MYO3B: variants seen among roughly 807,000 people sequenced by gnomAD.
MYO3B encodes myosin-IIIb.
Under a neutral mutation model 174.6 loss-of-function variants are expected in MYO3B, and 156 were observed. The observed-to-expected ratio is 0.89, with a 90% CI of 0.78 to 1.02. MYO3B has a LOEUF of 1.02. Among genes scored for constraint, MYO3B ranks in the 50% least tolerant of loss-of-function variants. The probability of loss-of-function intolerance (pLI) is 0.00; values close to 1 mark genes in which losing one functional copy is unlikely to be tolerated. For missense variants in MYO3B, 1,632 were observed against 1,639.4 expected, an observed-to-expected ratio of 1.00 and a Z score of 0.08; for synonymous variants, 563 against 569.1, an observed-to-expected ratio of 0.99 and a Z score of 0.15.
At position 170,400,656 on chromosome 2, in the gene MYO3B, C is replaced by G. The variant is rs1012344801; in HGVS notation, c.1918+342C>G. On this transcript the variant is annotated intron_variant, in intron 17 of 34. Coordinates refer to ENST00000408978, the MANE Select transcript of MYO3B (RefSeq NM_138995.5). ...CTGACCTCATGATCCACCCCCCCCCCCTCGGCCTCCCAAAGTGTTGGGATT... is the reference window on the plus strand; with the variant it reads ...CTGACCTCATGATCCACCCCCCCCCGCTCGGCCTCCCAAAGTGTTGGGATT... Among the ~76,000 whole-genome samples the G allele has an allele frequency of 9.1e-4, 122 of 134,656 alleles. 1 individual carries two copies. Among genetic ancestry groups the G allele is most frequent in the African/African-American group, 2.8e-3 (111 of 39,412 alleles). The allele number at this position is 134,656 out of a possible 152,430, so 88.3% of individuals were successfully genotyped here.
chr2:170,652,009 T>C, intron 33 of MYO3B, 99 bp from the exon 34 acceptor site: 1 of 1,281,926 alleles, frequency 7.8e-7, no homozygotes, highest in African/African-American at 1.5e-5. Flanking sequence ...ACTTCTGATA[T>C]TATCAGCATC....
At chr2:170,270,664 C>T (rs13410247) in intron 7 of MYO3B, among the ~76,000 whole-genome samples, 1,603 of 152,248 alleles carry the variant, frequency 0.011, 34 homozygotes, top group African/African-American at 0.037. Flanking sequence ...GCCTGACAGT[C>T]ACTGCTAGAG....
At chr2:170,611,612 A>G (rs984174937) in intron 32 of MYO3B, among the ~76,000 whole-genome samples, 4 of 152,240 alleles carry the variant, frequency 2.6e-5, no homozygotes, top group Admixed American at 2.0e-4. Context: ...GGAGAGGACC[A>G]GGCAGGAGAA....
At chr2:170,230,336 A>ATTTTTTTTTTTTTTTT (rs60171555) in intron 6 of MYO3B, among the ~76,000 whole-genome samples, 2 of 64,722 alleles carry the variant, frequency 3.1e-5, no homozygotes, top group African/African-American at 1.4e-4. Context: ...CGCCTGGCTA[A>ATTTTTTTTTTTTTTTT]TTTTTTTTTT....
intron 29 of MYO3B, among the ~76,000 whole-genome samples, chr2:170,517,786 G>T (rs1273100106): frequency 6.6e-6 from 1 of 152,036 alleles, no homozygotes; most frequent in Non-Finnish European, 1.5e-5. Flanking sequence ...GCAAGTGAGT[G>T]TGGGCCAAAC....
At chr2:170,572,384 C>T (rs143451951) in intron 32 of MYO3B, among the ~76,000 whole-genome samples, 2,093 of 151,294 alleles carry the variant, frequency 0.014, 42 homozygotes, top group African/African-American at 0.047. Flanking sequence ...GCTGAGATTG[C>T]GCCACTGCAT....
intron 1 of MYO3B, among the ~76,000 whole-genome samples, chr2:170,192,493 T>C (rs981556214): frequency 6.6e-6 from 1 of 151,286 alleles, no homozygotes; most frequent in Non-Finnish European, 1.5e-5. Context: ...ATTTTATTGT[T>C]TTGTCCCCAG....
intron 6 of MYO3B, among the ~76,000 whole-genome samples, chr2:170,223,455 T>C (rs549866481): frequency 8.5e-5 from 13 of 152,350 alleles, no homozygotes; most frequent in African/African-American, 2.6e-4. Flanking sequence ...CATGATTACA[T>C]TGATGTTGTA....
intron 3 of MYO3B, 57 bp downstream of exon 3, chr2:170,200,341 A>C: frequency 6.4e-7 from 1 of 1,572,996 alleles, no homozygotes; most frequent in Non-Finnish European, 8.6e-7. Flanking sequence ...AGGCCAACAG[A>C]TGCTTTATTA....
At chr2:170,539,064 G>A (rs1396057200) in intron 30 of MYO3B, among the ~76,000 whole-genome samples, 1 of 152,202 alleles carries the variant, frequency 6.6e-6, no homozygotes, top group African/African-American at 2.4e-5. Flanking sequence ...AATGTCCTTT[G>A]CACATGTTTA....
rs139502917 is a variant in MYO3B at position 170,652,108 on chromosome 2, G to A, written c.3841G>A (p.Gly1281Arg). 609 of 1,613,614 alleles carry A rather than the reference G, an allele frequency of 3.8e-4. 2 individuals carry two copies. The African/African-American group carries it at 7.6e-3, about 20-fold the overall frequency. The change falls in exon 34 of 35, where the codon GGA becomes AGA. Residue 1281 changes from glycine to arginine, a missense_variant and splice_region_variant. Physicochemically the swap from Gly to Arg is moderately radical, Grantham distance 125. Coordinates refer to ENST00000408978, the MANE Select transcript of MYO3B (RefSeq NM_138995.5). ...EDTMYYNQLN[G>R]TLEYQGSKRK... ...TGTGTGTTCTTGGCCCTCTCCACAGGGAACTCTAGAATATCAAGGGAGCAA... is the reference window on the plus strand; with the variant it reads ...TGTGTGTTCTTGGCCCTCTCCACAGAGAACTCTAGAATATCAAGGGAGCAA...
intron 32 of MYO3B, among the ~76,000 whole-genome samples, chr2:170,568,019 A>G (rs995013479): frequency 2.0e-5 from 3 of 152,228 alleles, no homozygotes; most frequent in African/African-American, 7.2e-5. Context: ...GTGCCAAGAT[A>G]TTGATACCCT....
intron 25 of MYO3B, among the ~76,000 whole-genome samples, chr2:170,478,793 A>T (rs1187966959): frequency 2.1e-5 from 3 of 140,592 alleles, no homozygotes; most frequent in African/African-American, 7.9e-5. Flanking sequence ...CTGATCTCGA[A>T]CTCCTGACCT....
At chr2:170,367,759 T>C (rs186819576) in intron 8 of MYO3B, among the ~76,000 whole-genome samples, 2 of 152,322 alleles carry the variant, frequency 1.3e-5, no homozygotes, top group Non-Finnish European at 2.9e-5. Context: ...GAACACAGTC[T>C]TCTTAAAGCA....
intron 7 of MYO3B, among the ~76,000 whole-genome samples, chr2:170,239,743 T>G (rs797009081): frequency 5.3e-5 from 8 of 152,332 alleles, no homozygotes; most frequent in African/African-American, 1.9e-4. Context: ...CATTTCGGCT[T>G]GTTTCCCTCA....
intron 3 of MYO3B, among the ~76,000 whole-genome samples, chr2:170,209,814 A>G (rs567150073): frequency 2.6e-5 from 4 of 152,300 alleles, no homozygotes; most frequent in African/African-American, 9.6e-5. Flanking sequence ...ATCCCATACA[A>G]TTTTGGAACA....
At chr2:170,583,732 G>T (rs1449330353) in intron 32 of MYO3B, among the ~76,000 whole-genome samples, 1 of 152,050 alleles carries the variant, frequency 6.6e-6, no homozygotes, top group African/African-American at 2.4e-5. Flanking sequence ...AAAATATCTA[G>T]TATCTAAAAG....
chr2:170,501,701 G>A (rs7593940), intron 27 of MYO3B, 84 bp from the exon 28 acceptor site: 841,437 of 861,334 alleles, frequency 0.98, 412,915 homozygotes, highest in Non-Finnish European at 1. Context: ...CGGGCAATAG[G>A]CTGGAGGGGA....
chr2:170,490,856 C>T (rs911576434), intron 25 of MYO3B, among the ~76,000 whole-genome samples: 1 of 152,160 alleles, frequency 6.6e-6, no homozygotes, highest in African/African-American at 2.4e-5. Flanking sequence ...AAGTCATTCA[C>T]AATATTTCCC....
Sources: gnomAD v4.1 joint callset for allele counts (sites outside exome capture counted in the v4.1 genomes callset) on GRCh38, gnomAD v4.1.1 for gene constraint, MANE v1.5 for transcripts, NCBI Gene and HGNC (gene_info 2026-07-23, HGNC 2026-07-21) for gene names.